SP6: variants seen among roughly 807,000 people sequenced by gnomAD.
SP6 encodes Sp6 transcription factor.
In SP6, 10 loss-of-function variants were observed where a neutral mutation model predicts 23.4. The observed-to-expected ratio is 0.43, with a 90% CI of 0.26 to 0.72. The LOEUF is 0.72. Among genes scored for constraint, SP6 ranks in the 30% least tolerant of loss-of-function variants. SP6 has a pLI of 0.23. For missense variants in SP6, 482 were observed against 523.8 expected (o/e 0.92, Z 0.78); for synonymous variants, 238 against 238.7 (o/e 1.00, Z 0.03).
At chr17:47,873,428 G>T in the SP6 span, among the ~76,000 whole-genome samples, 1 of 152,198 alleles carries the variant, frequency 6.6e-6, no homozygotes, top group African/African-American at 2.4e-5. Context: ...AGAATGACAG[G>T]CCTCCTGGAA....
rs2033951644 is a variant in SP6 at position 47,851,119 on chromosome 17, C to G, written c.-258G>C. On this transcript the variant is annotated 5_prime_UTR_variant, in exon 1 of 2. Transcript: ENST00000536300. Reference sequence around the variant, plus strand: ...AGGACGGAGGGCGGGCAGGAGCCAGCGAGCGAACAAGGCCAGCTCCGCCCG... The same window carrying G: ...AGGACGGAGGGCGGGCAGGAGCCAGGGAGCGAACAAGGCCAGCTCCGCCCG... 1.3e-5 allele frequency: 2 copies of G among 152,422 alleles called. No homozygotes were observed. The highest frequency in any genetic ancestry group is 6.5e-5 in the Admixed American group (1 of 15,280). The allele number at this position is 152,422 out of a possible 1,614,324, so 9.4% of individuals were successfully genotyped here. A position where few individuals can be genotyped will look rare whatever the true frequency, so the allele number is the denominator to read the frequency against.
At chr17:47,874,410 C>T in the SP6 span, among the ~76,000 whole-genome samples, 21,386 of 152,104 alleles carry the variant, frequency 0.14, 1,772 homozygotes, top group South Asian at 0.24. Flanking sequence ...AAATCTTCCT[C>T]AAAATTCACT....
In SP6 at chr17:47,847,540, C is replaced by G. The variant is rs780597822; in HGVS notation, c.890G>C (p.Arg297Pro). The change falls in exon 2 of 2, where the codon CGC becomes CCC. Residue 297 changes from arginine (R) to proline (P), a missense_variant. By Grantham distance (103) the Arg-to-Pro change is moderately radical. This residue lies in a region of SP6 where 51 missense variants were observed against 92.1 expected (regional missense o/e 0.55). Transcript: ENST00000536300. ...GAGGTGGCGCTGCAGCTCGTCCGAG[C>G]GCGTGAAGCGCTTGCCGCAGAAGAG... ...NWLFCGKRFT[R>P]SDELQRHLQT... The G allele has an allele frequency of 5.6e-6, 9 of 1,613,680 alleles. No individual in the cohort carries two copies.
chr17:47,861,598 C>T, the SP6 span, among the ~76,000 whole-genome samples: 4 of 151,994 alleles, frequency 2.6e-5, no homozygotes, highest in African/African-American at 7.2e-5. Flanking sequence ...CCAGGCATGG[C>T]GGTGCGCGCC....
Position 47,846,389 on chromosome 17 carries a change from A to G in SP6, c.*910T>C, listed in dbSNP as rs375015939. The stretch of plus-strand genomic sequence containing the variant: ...AACTGGTGGGAACTACATGGATTCT[A>G]CCGCTGGCTGCCTTGAAAACACACC... On this transcript the variant is annotated 3_prime_UTR_variant, in exon 2 of 2. Transcript: ENST00000536300. 12 of 152,314 alleles carry G rather than the reference A, an allele frequency of 7.9e-5. No homozygotes were observed. Among genetic ancestry groups the G allele is most frequent in the African/African-American group, 2.9e-4 (12 of 41,534 alleles). The allele number at this position is 152,314 out of a possible 1,614,324, so 9.4% of individuals were successfully genotyped here. A position where few individuals can be genotyped will look rare whatever the true frequency, so the allele number is the denominator to read the frequency against.
upstream of SP6, among the ~76,000 whole-genome samples, chr17:47,852,879 T>G: frequency 6.6e-6 from 1 of 152,234 alleles, no homozygotes; most frequent in East Asian, 1.9e-4. Flanking sequence ...CTAAAAATGC[T>G]TAGCCCAAGG....
chr17:47,864,810 T>C, the SP6 span: 106,175 of 152,658 alleles, frequency 0.7, 37,829 homozygotes, highest in African/African-American at 0.85. Flanking sequence ...CTCCTGGGTC[T>C]TGTCTTGCTG....
At position 47,845,705 on chromosome 17, in the gene SP6, C is replaced by T. The variant is rs1194263983; in HGVS notation, c.*1594G>A. On this transcript the variant is annotated 3_prime_UTR_variant, in exon 2 of 2. Coordinates refer to ENST00000536300, the MANE Select transcript of SP6 (RefSeq NM_001258248.2). Reference sequence around the variant, plus strand: ...ACACACATACATGCACACAGGTACACACAACATGCACACACATAACCTAAT... The same window carrying T: ...ACACACATACATGCACACAGGTACATACAACATGCACACACATAACCTAAT... 1 of 152,626 alleles carries T rather than the reference C, an allele frequency of 6.6e-6. No homozygotes were observed. Among genetic ancestry groups the T allele is most frequent in the Non-Finnish European group, 1.5e-5 (1 of 68,052 alleles). 9.5% of individuals were successfully genotyped at this position (152,626 alleles called of 1,614,324 possible).
At chr17:47,852,007 G>A (rs1473117148), upstream of SP6, among the ~76,000 whole-genome samples, 1 of 151,892 alleles carries the variant, frequency 6.6e-6, no homozygotes, top group Non-Finnish European at 1.5e-5. Flanking sequence ...CTGTCCTTCG[G>A]GAAATGCTCA....
At chr17:47,850,871 A>G (rs2033946740) in intron 1 of SP6, 48 bp downstream of exon 1, 1 of 152,112 alleles carries the variant, frequency 6.6e-6, no homozygotes, top group Non-Finnish European at 1.5e-5. Flanking sequence ...TTTTTTCGAG[A>G]CAATCTCCGT....
At chr17:47,859,461 T>C (rs2034020710), upstream of SP6, among the ~76,000 whole-genome samples, 1 of 152,254 alleles carries the variant, frequency 6.6e-6, no homozygotes, top group African/African-American at 2.4e-5. Flanking sequence ...GGGCTTGTTT[T>C]CTTATCTTCT....
chr17:47,873,024 A>G, the SP6 span, among the ~76,000 whole-genome samples: 22 of 152,314 alleles, frequency 1.4e-4, no homozygotes, highest in South Asian at 4.1e-4. Flanking sequence ...GGCAACCGGG[A>G]GGCTCTCAGG....
At chr17:47,849,558 GA>G (rs1407374728) in intron 1 of SP6, among the ~76,000 whole-genome samples, 1 of 152,154 alleles carries the variant, frequency 6.6e-6, no homozygotes, top group African/African-American at 2.4e-5. Context: ...AGCAAATGTT[GA>G]GAACCACTGC....
upstream of SP6, among the ~76,000 whole-genome samples, chr17:47,857,310 T>C (rs547201416): frequency 2.6e-5 from 4 of 152,320 alleles, no homozygotes; most frequent in South Asian, 8.3e-4. Context: ...TAAATAATGT[T>C]AATACGGGAG....
chr17:47,868,781 A>T, the SP6 span, among the ~76,000 whole-genome samples: 1 of 151,692 alleles, frequency 6.6e-6, no homozygotes, highest in Admixed American at 6.6e-5. Context: ...GAGGGGAGGG[A>T]GGAGAAGGGT....
the SP6 span, among the ~76,000 whole-genome samples, chr17:47,868,803 G>A: frequency 0.024 from 3,639 of 152,268 alleles, 143 homozygotes; most frequent in African/African-American, 0.083. Flanking sequence ...CCTGAGGTAG[G>A]GGGCTTGGGA....
chr17:47,866,916 G>A, the SP6 span, among the ~76,000 whole-genome samples: 2 of 152,164 alleles, frequency 1.3e-5, no homozygotes, highest in Non-Finnish European at 2.9e-5. Flanking sequence ...GGGAGGGGGA[G>A]GTGAGCAGAG....
In SP6 at chr17:47,848,003, C is replaced by G. The variant is rs1339939084; in HGVS notation, c.427G>C (p.Gly143Arg). ...CCCGCCTGAAGCGCCCCCGGGTGGC[C>G]AGGTGAGGTCAGCGCGCCCTGAGTG... is the stretch of plus-strand genomic sequence containing the variant. The part of the protein sequence containing the change: ...PHTQGALTSP[G>R]HPGALQAGLG... Residue 143 changes from glycine to arginine, a missense_variant, in exon 2 of 2, where the codon GGC becomes CGC. Transcript: ENST00000536300. The surrounding 1 kb of genome is among the most constrained non-coding windows in gnomAD (Gnocchi z 5.3). 5 of 1,604,034 alleles carry G rather than the reference C, an allele frequency of 3.1e-6. No homozygotes were observed. The South Asian group carries it at 4.5e-5, about 14-fold the overall frequency.
At chr17:47,862,343 C>CAAA in the SP6 span, among the ~76,000 whole-genome samples, 12 of 110,336 alleles carry the variant, frequency 1.1e-4, no homozygotes, top group East Asian at 6.4e-4. Flanking sequence ...GACTAAGTCT[C>CAAA]AAAAAAAAAA....
Sources: allele counts gnomAD v4.1 joint callset (sites outside exome capture counted in the v4.1 genomes callset), GRCh38; gene constraint gnomAD v4.1.1; regional missense constraint gnomAD v4.1.1; non-coding constraint Gnocchi (gnomAD v3.1); transcripts MANE v1.5; gene names NCBI Gene and HGNC (gene_info 2026-07-23, HGNC 2026-07-21).